NUP188: variants seen among roughly 807,000 people sequenced by gnomAD.
NUP188 encodes nucleoporin 188.
NUP188 carries 97 observed loss-of-function variants against 223.0 expected under a neutral mutation model. The observed-to-expected ratio is 0.43, with a 90% CI of 0.37 to 0.51. The LOEUF (loss-of-function observed/expected upper bound fraction) is 0.51, where lower values mean the gene tolerates loss of function less well. Among genes scored for constraint, NUP188 ranks in the 20% least tolerant of loss-of-function variants. The pLI is 0.00. For missense variants in NUP188, 1,947 were observed against 2,175.6 expected (o/e 0.89, Z 2.09); for synonymous variants, 869 against 828.0 (o/e 1.05, Z -0.85).
In NUP188 at chr9:129,005,140, C is replaced by G. The variant is rs1588297188; in HGVS notation, c.4435-7C>G. 6.2e-7 allele frequency: 1 copy of G among 1,610,818 alleles called. No homozygotes were observed. The highest frequency in any genetic ancestry group is 8.5e-7 in the Non-Finnish European group (1 of 1,176,978). ...GAATCCGCTCATCTCTCCTGTGTCT[C>G]TCCCAGGTCAACCTGGGTTACTTGT... On this transcript the variant is annotated splice_polypyrimidine_tract_variant and splice_region_variant and intron_variant, in intron 38 of 43. Transcript: ENST00000372577.
intron 3 of NUP188, among the ~76,000 whole-genome samples, chr9:128,954,362 C>T (rs182165796): frequency 1.2e-3 from 173 of 145,796 alleles, no homozygotes; most frequent in Non-Finnish European, 2.1e-3. Context: ...CTACAGGCGC[C>T]CGCTGTGACA....
At chr9:128,947,909 G>A in intron 1 of NUP188, 158 bp downstream of exon 1, 1 of 562,400 alleles carries the variant, frequency 1.8e-6, no homozygotes, top group Non-Finnish European at 2.7e-6. Context: ...ACGTCCAAAC[G>A]GTCCCCGCGC....
At position 128,999,157 on chromosome 9, in the gene NUP188, C is replaced by T. The variant is rs778715773; in HGVS notation, c.3516-15C>T. On this transcript the variant is annotated splice_polypyrimidine_tract_variant and intron_variant, in intron 32 of 43. Transcript: ENST00000372577. Reference sequence around the variant, plus strand: ...CATGAGCCACCACGCCTGGCCCACCCAGTATTCTTTCTAGAGAGTTAGGTT... The same window carrying T: ...CATGAGCCACCACGCCTGGCCCACCTAGTATTCTTTCTAGAGAGTTAGGTT... The T allele has an allele frequency of 1.9e-6, 3 of 1,612,814 alleles. No individual in the cohort carries two copies. The highest frequency in any genetic ancestry group is 2.5e-6 in the Non-Finnish European group (3 of 1,179,100).
At chr9:128,994,746 G>T in intron 28 of NUP188, 110 bp from the exon 29 acceptor site, 2 of 901,154 alleles carry the variant, frequency 2.2e-6, no homozygotes, top group Non-Finnish European at 1.8e-6. Flanking sequence ...AACAGGGGTT[G>T]TGCTAACTTG....
Position 128,970,511 on chromosome 9 carries a change from C to T in NUP188, c.913-247C>T, listed in dbSNP as rs572824641. 6.6e-5 allele frequency among the ~76,000 whole-genome samples: 10 copies of T among 152,106 alleles called. No individual in the cohort carries two copies. In the East Asian group the frequency reaches 1.4e-3, roughly 21 times the overall value. On this transcript the variant is annotated intron_variant, in intron 10 of 43. Coordinates refer to ENST00000372577, the MANE Select transcript of NUP188 (RefSeq NM_015354.3). ...AGGATAAAATTTCTAAGGAATGTAT[C>T]GTAACATGCATTTTATAATCTTAAG... is the stretch of plus-strand genomic sequence containing the variant.
intron 34 of NUP188, among the ~76,000 whole-genome samples, chr9:129,000,732 G>A (rs1168706415): frequency 6.6e-6 from 1 of 151,934 alleles, no homozygotes; most frequent in Non-Finnish European, 1.5e-5. Flanking sequence ...GTGTACATGA[G>A]GATACAGTCT....
chr9:128,984,003 A>G, intron 19 of NUP188, among the ~76,000 whole-genome samples: 1 of 151,636 alleles, frequency 6.6e-6, no homozygotes, highest in Non-Finnish European at 1.5e-5. Context: ...TGTATTTTTA[A>G]TAGAGACGAG....
At chr9:128,987,088 A>AGAGTGT (rs1450678206) in intron 22 of NUP188, among the ~76,000 whole-genome samples, 288 of 113,306 alleles carry the variant, frequency 2.5e-3, no homozygotes, top group Middle Eastern at 4.9e-3. Flanking sequence ...AGAGAGAGAG[A>AGAGTGT]GTGTGTGTGT....
chr9:128,987,966 G>C, intron 23 of NUP188, 81 bp from the exon 24 acceptor site: 1 of 1,476,024 alleles, frequency 6.8e-7, no homozygotes, highest in Non-Finnish European at 9.3e-7. Flanking sequence ...ATTATTGTTG[G>C]AATCTAATTC....
At chr9:128,991,358 T>A (rs1233549586) in intron 25 of NUP188, among the ~76,000 whole-genome samples, 2 of 151,724 alleles carry the variant, frequency 1.3e-5, no homozygotes, top group Admixed American at 1.3e-4. Flanking sequence ...GCCAAGATGG[T>A]GAAACCCCAC....
chr9:128,993,741 G>A (rs1448658839), intron 27 of NUP188, 47 bp downstream of exon 27: 1 of 1,554,714 alleles, frequency 6.4e-7, no homozygotes, highest in Non-Finnish European at 8.8e-7. Flanking sequence ...TCTATAAAAT[G>A]GGAGTAATAA....
chr9:128,952,084 T>C lies in NUP188; in HGVS notation c.88-689T>C, dbSNP rs532669695. Among the ~76,000 whole-genome samples, 49 of 152,232 alleles carry C rather than the reference T, an allele frequency of 3.2e-4. 1 individual carries two copies. The South Asian group carries it at 9.9e-3, about 31-fold the overall frequency. On this transcript the variant is annotated intron_variant, in intron 2 of 43. Coordinates refer to ENST00000372577, the MANE Select transcript of NUP188 (RefSeq NM_015354.3). Reference sequence around the variant, plus strand: ...CTAGGATTACAGGCCTGAGCCACCATGCCTGGCCGAGTCTGATTATTAATA... The same window carrying C: ...CTAGGATTACAGGCCTGAGCCACCACGCCTGGCCGAGTCTGATTATTAATA...
chr9:128,982,769 A>G, intron 16 of NUP188, 68 bp downstream of exon 16: 1 of 1,592,624 alleles, frequency 6.3e-7, no homozygotes, highest in South Asian at 1.1e-5. Context: ...GATTTAGAAA[A>G]TAGAATATCT....
At chr9:128,951,663 G>A (rs1430242201) in intron 2 of NUP188, among the ~76,000 whole-genome samples, 2 of 151,962 alleles carry the variant, frequency 1.3e-5, no homozygotes, top group Non-Finnish European at 2.9e-5. Context: ...AAGTCATTAT[G>A]TTATAATGTT....
At chr9:128,982,798 T>C in intron 16 of NUP188, 97 bp downstream of exon 16, 1 of 1,587,556 alleles carries the variant, frequency 6.3e-7, no homozygotes, top group Non-Finnish European at 8.6e-7. Flanking sequence ...TTTAGAACCA[T>C]CAAGATTGTG....
chr9:128,973,225 G>A lies in NUP188; in HGVS notation c.1179G>A (p.Glu393=), dbSNP rs1187385075. The change falls in exon 12 of 44, where the codon GAG becomes GAA. Residue 393 remains glutamate (E), a synonymous_variant. Transcript: ENST00000372577. ...GLLSFVLTSL[E]LHTLGNQQDI... ...TCTCTTTCGTTCTGACCTCGTTGGA[G>A]CTGCACACCCTGGGCAATCAGCAGG... 1 of 1,613,356 alleles carries A rather than the reference G, an allele frequency of 6.2e-7. No homozygotes were observed. Among genetic ancestry groups the A allele is most frequent in the Non-Finnish European group, 8.5e-7 (1 of 1,179,914 alleles).
intron 2 of NUP188, among the ~76,000 whole-genome samples, chr9:128,951,137 C>T (rs759040228): frequency 2.2e-4 from 33 of 152,060 alleles, no homozygotes; most frequent in Non-Finnish European, 4.6e-4. Flanking sequence ...GGAGAAACCC[C>T]GTCTCTACTA....
In NUP188 at chr9:128,986,686, C is replaced by A; in HGVS notation, c.2197+8C>A. 1 of 1,614,104 alleles carries A rather than the reference C, an allele frequency of 6.2e-7. No homozygotes were observed. Among genetic ancestry groups the A allele is most frequent in the Non-Finnish European group, 8.5e-7 (1 of 1,180,004 alleles). Reference sequence around the variant, plus strand: ...GAGTGAGGGAACAGATTGGTAAGGACAGCATGGGCAGGGAAGACCTGGGGA... The same window carrying A: ...GAGTGAGGGAACAGATTGGTAAGGAAAGCATGGGCAGGGAAGACCTGGGGA... On this transcript the variant is annotated splice_region_variant and intron_variant, in intron 21 of 43. Coordinates refer to ENST00000372577, the MANE Select transcript of NUP188 (RefSeq NM_015354.3).
Position 129,002,987 on chromosome 9 carries a change from C to T in NUP188, c.4296+12C>T. Reference sequence around the variant, plus strand: ...AGCGGACCTTACAGGTGAGGGGCTGCCTGCATTGCAGGGGTGGGAGTTTCA... The same window carrying T: ...AGCGGACCTTACAGGTGAGGGGCTGTCTGCATTGCAGGGGTGGGAGTTTCA... On this transcript the variant is annotated intron_variant, in intron 37 of 43. Transcript: ENST00000372577. 6.2e-7 allele frequency: 1 copy of T among 1,613,244 alleles called. No individual in the cohort carries two copies. The highest frequency in any genetic ancestry group is 8.5e-7 in the Non-Finnish European group (1 of 1,179,622).
Sources: allele counts gnomAD v4.1 joint callset (sites outside exome capture counted in the v4.1 genomes callset), GRCh38; gene constraint gnomAD v4.1.1; transcripts MANE v1.5; gene names NCBI Gene and HGNC (gene_info 2026-07-23, HGNC 2026-07-21).